Variants in LINGO2 observed in about 807,000 individuals in gnomAD.
LINGO2 encodes leucine-rich repeat and immunoglobulin-like domain-containing nogo receptor-interacting protein 2.
LINGO2 carries 14 observed loss-of-function variants against 30.6 expected under a neutral mutation model. That is an observed-to-expected ratio of 0.46 (90% CI 0.30 to 0.72). The LOEUF (loss-of-function observed/expected upper bound fraction) is 0.72, where lower values mean the gene tolerates loss of function less well. LINGO2 is among the 30% of genes least tolerant of loss of function. LINGO2 has a pLI of 0.07. For synonymous variants in LINGO2, 317 were observed against 288.5 expected, an observed-to-expected ratio of 1.10 and a Z score of -1.00; for missense variants, 729 against 751.7, an observed-to-expected ratio of 0.97 and a Z score of 0.35.
the LINGO2 span, among the ~76,000 whole-genome samples, chr9:28,715,473 G>A: frequency 3.3e-5 from 5 of 152,118 alleles, no homozygotes; most frequent in South Asian, 4.1e-4. Context: ...CACTTATAAT[G>A]TACAGTCCCC....
Position 28,241,306 on chromosome 9 carries a change from A to C in LINGO2, c.-87+53902T>G, listed in dbSNP as rs545732963. ...AAAAAAAAAAAAGAAAAAAGAAAAA[A>C]AAAATCTAAGAATGTGGGGTGGGGC... On this transcript the variant is annotated intron_variant, in intron 4 of 5. Transcript: ENST00000379992. 2.6e-5 allele frequency among the ~76,000 whole-genome samples: 4 copies of C among 151,186 alleles called. No individual in the cohort carries two copies. In the South Asian group the frequency reaches 8.4e-4, roughly 32 times the overall value.
intron 4 of LINGO2, among the ~76,000 whole-genome samples, chr9:28,052,956 C>T (rs1036234648): frequency 2.7e-5 from 4 of 148,634 alleles, no homozygotes; most frequent in African/African-American, 1.0e-4. Flanking sequence ...AGACATTGAG[C>T]ATCCAGTACA....
At chr9:28,742,996 A>C in the LINGO2 span, among the ~76,000 whole-genome samples, 1 of 152,030 alleles carries the variant, frequency 6.6e-6, no homozygotes, top group Non-Finnish European at 1.5e-5. Context: ...AGTTACCTAC[A>C]TAATTGCCTA....
chr9:28,502,966 T>C (rs1819955140), intron 1 of LINGO2, among the ~76,000 whole-genome samples: 1 of 152,120 alleles, frequency 6.6e-6, no homozygotes, highest in Non-Finnish European at 1.5e-5. Flanking sequence ...AGACAATCAA[T>C]AGCCATGGCT....
chr9:28,255,064 A>C (rs967341974), intron 4 of LINGO2, among the ~76,000 whole-genome samples: 1 of 152,174 alleles, frequency 6.6e-6, no homozygotes. Context: ...TTTGTTACTT[A>C]GTAAATGATA....
At chr9:29,049,214 G>A in the LINGO2 span, among the ~76,000 whole-genome samples, 1 of 152,142 alleles carries the variant, frequency 6.6e-6, no homozygotes, top group African/African-American at 2.4e-5. Context: ...CAGATGAAAA[G>A]GTGCTGACAT....
At chr9:28,221,298 TAAAAAAAAAAA>T (rs141151588) in intron 4 of LINGO2, among the ~76,000 whole-genome samples, 1 of 83,738 alleles carries the variant, frequency 1.2e-5, no homozygotes, top group Non-Finnish European at 2.3e-5. Flanking sequence ...AGACCCCGTC[TAAAAAAAAAAA>T]AAAAAAAAAA....
chr9:28,657,118 C>CA (rs35655926), intron 1 of LINGO2, among the ~76,000 whole-genome samples: 14,292 of 151,378 alleles, frequency 0.094, 888 homozygotes, highest in East Asian at 0.19. Context: ...CTTGACCCAC[C>CA]AAAAAAAATG....
At chr9:28,468,810 T>C (rs1290697787) in intron 2 of LINGO2, among the ~76,000 whole-genome samples, 1 of 152,116 alleles carries the variant, frequency 6.6e-6, no homozygotes, top group African/African-American at 2.4e-5. Flanking sequence ...GATTAGTAAG[T>C]TTTCCCCTGC....
chr9:28,670,278 T>C (rs1012320309), exon 1 of LINGO2: 1 of 152,108 alleles, frequency 6.6e-6, no homozygotes, highest in African/African-American at 2.4e-5. Context: ...CACTCATCAA[T>C]TCCTACAAAT....
At chr9:29,093,096 G>C in the LINGO2 span, among the ~76,000 whole-genome samples, 1 of 128,240 alleles carries the variant, frequency 7.8e-6, no homozygotes. Context: ...GAGAGAGAGA[G>C]AGAGACATGG....
chr9:28,364,430 G>A (rs1326658146), intron 3 of LINGO2, among the ~76,000 whole-genome samples: 1 of 151,928 alleles, frequency 6.6e-6, no homozygotes, highest in East Asian at 1.9e-4. Flanking sequence ...TGCTGAAGCT[G>A]ACATCAAGCA....
chr9:28,307,179 A>C lies in LINGO2; in HGVS notation c.-245-11813T>G, dbSNP rs548348267. Among the ~76,000 whole-genome samples, 133 of 152,346 alleles carry C rather than the reference A, an allele frequency of 8.7e-4. 3 individuals carry two copies. The South Asian group carries it at 0.027, about 31-fold the overall frequency. ...GATGAACATTGATGCAAAAATCCTC[A>C]ATAAAATACTGGGAAACCGAATCCA... On this transcript the variant is annotated intron_variant, in intron 3 of 5. Transcript: ENST00000379992.
chr9:28,673,756 A>T (rs1032193173), upstream of LINGO2, among the ~76,000 whole-genome samples: 2 of 152,034 alleles, frequency 1.3e-5, no homozygotes, highest in Non-Finnish European at 2.9e-5. Context: ...GTTTCATAAG[A>T]ATTGGTAGAT....
chr9:27,989,641 C>G (rs947915056), intron 5 of LINGO2, among the ~76,000 whole-genome samples: 1 of 151,962 alleles, frequency 6.6e-6, no homozygotes, highest in African/African-American at 2.4e-5. Flanking sequence ...TGATTATGCA[C>G]AGCTGGAACC....
At chr9:28,424,544 C>A (rs946585098) in intron 2 of LINGO2, among the ~76,000 whole-genome samples, 6 of 152,098 alleles carry the variant, frequency 3.9e-5, no homozygotes, top group African/African-American at 9.7e-5. Flanking sequence ...AACAACTGAC[C>A]AGCAGAATCA....
chr9:28,223,412 C>T (rs533376510), intron 4 of LINGO2, among the ~76,000 whole-genome samples: 2 of 152,184 alleles, frequency 1.3e-5, no homozygotes, highest in Non-Finnish European at 2.9e-5. Context: ...GCCTAAATCT[C>T]ATTCACAAGG....
At chr9:28,996,720 G>T in the LINGO2 span, among the ~76,000 whole-genome samples, 1 of 152,114 alleles carries the variant, frequency 6.6e-6, no homozygotes, top group Admixed American at 6.5e-5. Context: ...TCAAGGAAGG[G>T]ATTTGTAATG....
intron 2 of LINGO2, among the ~76,000 whole-genome samples, chr9:28,383,518 T>C (rs1821443926): frequency 6.6e-6 from 1 of 151,808 alleles, no homozygotes; most frequent in African/African-American, 2.4e-5. Flanking sequence ...GCAGTCAAAC[T>C]CCTCAGGGGA....
Sources: allele counts gnomAD v4.1 joint callset (sites outside exome capture counted in the v4.1 genomes callset), GRCh38; gene constraint gnomAD v4.1.1; transcripts MANE v1.5; gene names NCBI Gene and HGNC (gene_info 2026-07-23, HGNC 2026-07-21).